The following KIAA1958 variants were observed in gnomAD, a reference collection of about 807,000 sequenced individuals.
The protein encoded by KIAA1958 is uncharacterized protein KIAA1958.
In KIAA1958, 14 loss-of-function variants were observed where a neutral mutation model predicts 47.2. The ratio of observed to expected loss-of-function variants is 0.30; its 90% confidence interval spans 0.20 to 0.46. The LOEUF is 0.46. KIAA1958 is among the 20% of genes least tolerant of loss of function. KIAA1958 has a pLI of 1.00. For missense variants in KIAA1958, 803 were observed against 909.2 expected (o/e 0.88, Z 1.50); for synonymous variants, 354 against 353.3 (o/e 1.00, Z -0.02).
At chr9:112,544,049 C>G (rs1834988971) in intron 1 of KIAA1958, among the ~76,000 whole-genome samples, 1 of 152,070 alleles carries the variant, frequency 6.6e-6, no homozygotes, top group Admixed American at 6.5e-5. Flanking sequence ...TTGTCTATGT[C>G]TCTATTGTCT....
chr9:112,516,896 AAGG>A (rs1362010185), intron 1 of KIAA1958, among the ~76,000 whole-genome samples: 3 of 152,226 alleles, frequency 2.0e-5, no homozygotes, highest in Non-Finnish European at 4.4e-5. Context: ...TGGACAGAAA[AAGG>A]AGAGTGATGT....
In KIAA1958 at chr9:112,668,388, A is replaced by G. The variant is rs1474106054; in HGVS notation, c.*8319A>G. Reference sequence around the variant, plus strand: ...AGCAGAAAGATGGCCTGGGGCAGTGAGATGCTTTCCTTAGCTGTACTTGAA... The same window carrying G: ...AGCAGAAAGATGGCCTGGGGCAGTGGGATGCTTTCCTTAGCTGTACTTGAA... On this transcript the variant is annotated 3_prime_UTR_variant, in exon 4 of 4. Transcript: ENST00000337530. 6.6e-6 allele frequency: 1 copy of G among 152,246 alleles called. No homozygotes were observed. The highest frequency in any genetic ancestry group is 2.4e-5 in the African/African-American group (1 of 41,472). The allele number at this position is 152,246 out of a possible 1,614,324, so 9.4% of individuals were successfully genotyped here. A position where few individuals can be genotyped will look rare whatever the true frequency, so the allele number is the denominator to read the frequency against.
chr9:112,581,633 A>G (rs1835738051), intron 2 of KIAA1958: 1 of 152,370 alleles, frequency 6.6e-6, no homozygotes, highest in South Asian at 2.1e-4. Flanking sequence ...CAGGAAGTGA[A>G]CCTTGGAACT....
intron 1 of KIAA1958, among the ~76,000 whole-genome samples, chr9:112,559,480 A>T (rs1835292245): frequency 6.6e-6 from 1 of 152,206 alleles, no homozygotes; most frequent in South Asian, 2.1e-4. Flanking sequence ...AGCCAAGAGA[A>T]GAGGACTGAG....
chr9:112,599,328 T>A (rs1441852609), intron 2 of KIAA1958, among the ~76,000 whole-genome samples: 1 of 152,038 alleles, frequency 6.6e-6, no homozygotes, highest in Non-Finnish European at 1.5e-5. Flanking sequence ...TAAACTTTTT[T>A]AAACTAAAGT....
intron 1 of KIAA1958, among the ~76,000 whole-genome samples, chr9:112,500,810 T>A (rs1355414724): frequency 6.6e-6 from 1 of 152,046 alleles, no homozygotes; most frequent in Non-Finnish European, 1.5e-5. Flanking sequence ...GGTTTGGCCA[T>A]GTGAAAGTTT....
chr9:112,519,018 C>G (rs185257653), intron 1 of KIAA1958, among the ~76,000 whole-genome samples: 6 of 152,290 alleles, frequency 3.9e-5, no homozygotes, highest in Non-Finnish European at 7.4e-5. Context: ...CGGCCTTGAA[C>G]TCCTGGGCTC....
At chr9:112,534,302 A>C (rs920294402) in intron 1 of KIAA1958, among the ~76,000 whole-genome samples, 1 of 152,204 alleles carries the variant, frequency 6.6e-6, no homozygotes, top group South Asian at 2.1e-4. Context: ...GAAAGGACCA[A>C]CAGTGGATGA....
Position 112,574,954 on chromosome 9 carries a change from CCAAA to C in KIAA1958, c.877_880del (p.Asn293GlufsTer19). On this transcript the variant is annotated frameshift_variant, in exon 2 of 4. Coordinates refer to ENST00000337530, the MANE Select transcript of KIAA1958 (RefSeq NM_133465.4). LOFTEE classifies it high-confidence loss of function. ...GACTGCTAGGGTATCTCTGGCTTCA[CCAAA>C]CAGAGGACCCCCTGGTACACATGGC... 1 of 1,614,100 alleles carries C rather than the reference CCAAA, an allele frequency of 6.2e-7. No homozygotes were observed. Among genetic ancestry groups the C allele is most frequent in the Non-Finnish European group, 8.5e-7 (1 of 1,179,994 alleles).
rs1396564168 is a variant in KIAA1958 at position 112,547,557 on chromosome 9, C to T, written c.-24-26500C>T. 2.8e-5 allele frequency among the ~76,000 whole-genome samples: 4 copies of T among 144,696 alleles called. No homozygotes were observed. In the East Asian group the frequency reaches 8.2e-4, roughly 30 times the overall value. 94.9% of individuals were successfully genotyped at this position (144,696 alleles called of 152,430 possible). A position where few individuals can be genotyped will look rare whatever the true frequency, so the allele number is the denominator to read the frequency against. ...CCTTTGGAGTTCAGACACAATTGGC[C>T]AGCATTAACATTAAAATAGAGACCT... is the stretch of plus-strand genomic sequence containing the variant. On this transcript the variant is annotated intron_variant, in intron 1 of 3. Coordinates refer to ENST00000337530, the MANE Select transcript of KIAA1958 (RefSeq NM_133465.4).
At chr9:112,534,679 G>A (rs1428375736) in intron 1 of KIAA1958, among the ~76,000 whole-genome samples, 1 of 151,894 alleles carries the variant, frequency 6.6e-6, no homozygotes, top group Non-Finnish European at 1.5e-5. Context: ...GAGTAACTGG[G>A]ATTATGGCAT....
At chr9:112,565,219 T>C (rs540040768) in intron 1 of KIAA1958, among the ~76,000 whole-genome samples, 31 of 152,356 alleles carry the variant, frequency 2.0e-4, no homozygotes, top group African/African-American at 7.0e-4. Context: ...CATAGTGTAT[T>C]ATACTTAACC....
chr9:112,637,861 A>G (rs908837636), intron 2 of KIAA1958, among the ~76,000 whole-genome samples: 3 of 151,778 alleles, frequency 2.0e-5, no homozygotes, highest in Non-Finnish European at 2.9e-5. Context: ...ACTTTCTCTT[A>G]TGCTGGGCCA....
chr9:112,568,806 G>A lies in KIAA1958; in HGVS notation c.-24-5251G>A, dbSNP rs562897296. Among the ~76,000 whole-genome samples, 631 of 150,112 alleles carry A rather than the reference G, an allele frequency of 4.2e-3. 6 individuals are homozygous for A. The highest frequency in any genetic ancestry group is 0.014 in the African/African-American group (581 of 40,854). On this transcript the variant is annotated intron_variant, in intron 1 of 3. Transcript: ENST00000337530. The stretch of plus-strand genomic sequence containing the variant: ...GGGAGGCTGAGGTGGGAGGGTTACC[G>A]GAGCCCAGGGGGCAGAGGTTACAGT...
chr9:112,550,696 G>T (rs1835125995), intron 1 of KIAA1958, among the ~76,000 whole-genome samples: 1 of 152,202 alleles, frequency 6.6e-6, no homozygotes, highest in Admixed American at 6.5e-5. Context: ...CAACGACAAT[G>T]CATGACAAAA....
At chr9:112,577,624 T>C (rs1229221182) in intron 2 of KIAA1958, among the ~76,000 whole-genome samples, 2 of 152,044 alleles carry the variant, frequency 1.3e-5, no homozygotes, top group Non-Finnish European at 2.9e-5. Flanking sequence ...ATTAGTTGTG[T>C]TGCATACCTT....
intron 1 of KIAA1958, among the ~76,000 whole-genome samples, chr9:112,510,056 C>A (rs1834297679): frequency 6.6e-6 from 1 of 152,172 alleles, no homozygotes; most frequent in South Asian, 2.1e-4. Flanking sequence ...GCCCCTTCCA[C>A]ACAAATTTGC....
At chr9:112,601,175 G>C (rs1295829922) in intron 2 of KIAA1958, among the ~76,000 whole-genome samples, 1 of 152,144 alleles carries the variant, frequency 6.6e-6, no homozygotes, top group African/African-American at 2.4e-5. Flanking sequence ...AATAACTTTA[G>C]AGAAGTTAAG....
At chr9:112,612,052 A>G (rs901120078) in intron 2 of KIAA1958, among the ~76,000 whole-genome samples, 4 of 151,988 alleles carry the variant, frequency 2.6e-5, no homozygotes, top group African/African-American at 9.7e-5. Flanking sequence ...TATATTAAAA[A>G]ATGTTTATAA....
Sources: allele counts gnomAD v4.1 joint callset (sites outside exome capture counted in the v4.1 genomes callset), GRCh38; gene constraint gnomAD v4.1.1; transcripts MANE v1.5; gene names NCBI Gene and HGNC (gene_info 2026-07-23, HGNC 2026-07-21).